The following STK24 variants were observed in gnomAD, a reference collection of about 807,000 sequenced individuals.
STK24 encodes the protein serine/threonine-protein kinase 24.
In STK24, 21 loss-of-function variants were observed where a neutral mutation model predicts 55.6. The observed-to-expected ratio is 0.38, with a 90% confidence interval of 0.27 to 0.54. The LOEUF (loss-of-function observed/expected upper bound fraction) is 0.54, where lower values mean the gene tolerates loss of function less well. Among genes scored for constraint, STK24 ranks in the 20% least tolerant of loss-of-function variants. STK24 has a pLI of 0.79. For synonymous variants in STK24, 200 were observed against 215.2 expected (o/e 0.93, Z 0.62); for missense variants, 383 against 538.4 (o/e 0.71, Z 2.86).
intron 1 of STK24, 39 bp downstream of exon 1, chr13:98,576,706 C>G (rs140705294): frequency 4.1e-6 from 6 of 1,448,732 alleles, no homozygotes; most frequent in Middle Eastern, 2.3e-4. Flanking sequence ...GCTTCCGCCC[C>G]GGTCGCGCAT....
intron 9 of STK24, among the ~76,000 whole-genome samples, chr13:98,457,695 C>T (rs1893526406): frequency 6.6e-6 from 1 of 152,130 alleles, no homozygotes; most frequent in South Asian, 2.1e-4. Context: ...GTCTTGAACT[C>T]CTGACCTCAA....
intron 1 of STK24, among the ~76,000 whole-genome samples, chr13:98,529,042 T>C (rs1435300258): frequency 6.6e-6 from 1 of 152,082 alleles, no homozygotes; most frequent in Non-Finnish European, 1.5e-5. Context: ...CCCCAGCCAG[T>C]CACCACCGAT....
chr13:98,564,177 T>C (rs913204909), intron 1 of STK24, among the ~76,000 whole-genome samples: 1 of 152,234 alleles, frequency 6.6e-6, no homozygotes, highest in Non-Finnish European at 1.5e-5. Flanking sequence ...TTCTGAAATA[T>C]ATGTATAGTA....
intron 2 of STK24, among the ~76,000 whole-genome samples, chr13:98,491,670 TACAA>T (rs1459729212): frequency 6.9e-6 from 1 of 144,206 alleles, no homozygotes; most frequent in South Asian, 2.2e-4. Flanking sequence ...CCCACAGCAT[TACAA>T]ACATTCATTA....
rs1302076186 is a variant in STK24 at position 98,516,246 on chromosome 13, A to G, written c.273+2997T>C. Among the ~76,000 whole-genome samples, 3 of 152,224 alleles carry G rather than the reference A, an allele frequency of 2.0e-5. No homozygotes were observed. The East Asian group carries it at 5.8e-4, about 29-fold the overall frequency. On this transcript the variant is annotated intron_variant, in intron 2 of 10. Transcript: ENST00000539966. The stretch of plus-strand genomic sequence containing the variant: ...GCCAAATAAGACAATTGTCCTTCAC[A>G]TGGCTTTAAAATCCGGGCCAACTTT...
intron 2 of STK24, among the ~76,000 whole-genome samples, chr13:98,512,480 C>T (rs1272715868): frequency 1.3e-5 from 2 of 151,930 alleles, no homozygotes; most frequent in Non-Finnish European, 2.9e-5. Flanking sequence ...AAAGAGGCTA[C>T]TGGGAAGAGC....
intron 1 of STK24, among the ~76,000 whole-genome samples, chr13:98,575,816 C>A (rs1323804493): frequency 5.9e-5 from 9 of 152,268 alleles, no homozygotes; most frequent in Admixed American, 5.9e-4. Context: ...ACCATTTCTG[C>A]GCCTACAAAG....
intron 2 of STK24, among the ~76,000 whole-genome samples, chr13:98,506,976 T>TG (rs1342609644): frequency 6.6e-6 from 1 of 152,084 alleles, no homozygotes; most frequent in East Asian, 1.9e-4. Flanking sequence ...ACTGGACACA[T>TG]GCAAAGGGCG....
intron 1 of STK24, among the ~76,000 whole-genome samples, chr13:98,534,651 A>C (rs958906702): frequency 1.3e-5 from 2 of 152,196 alleles, no homozygotes; most frequent in Non-Finnish European, 2.9e-5. Flanking sequence ...TTGCAGACCC[A>C]GTGTTCTGAT....
intron 3 of STK24, among the ~76,000 whole-genome samples, chr13:98,479,003 C>T (rs149044705): frequency 2.0e-5 from 3 of 152,332 alleles, no homozygotes; most frequent in Non-Finnish European, 2.9e-5. Flanking sequence ...CTGTGTCCAA[C>T]GGCAATAATC....
At chr13:98,561,036 T>C (rs1897403678) in intron 1 of STK24, among the ~76,000 whole-genome samples, 1 of 152,184 alleles carries the variant, frequency 6.6e-6, no homozygotes, top group African/African-American at 2.4e-5. Flanking sequence ...CTTGAGTGAA[T>C]GCTCACACTC....
rs755510124 is a variant in STK24, at chr13:98,448,266, C to T, written c.*4907G>A. On this transcript the variant is annotated 3_prime_UTR_variant, in exon 11 of 11. Coordinates refer to ENST00000539966, the MANE Select transcript of STK24 (RefSeq NM_001032296.4). Reference sequence around the variant, plus strand: ...TGGAAGTGATCCGCAGTGCCACCAGCTCTGCCTCGCGACCCCACGTGTTGA... The same window carrying T: ...TGGAAGTGATCCGCAGTGCCACCAGTTCTGCCTCGCGACCCCACGTGTTGA... 2.5e-6 allele frequency: 4 copies of T among 1,614,130 alleles called. No homozygotes were observed. Among genetic ancestry groups the T allele is most frequent in the Non-Finnish European group, 3.4e-6 (4 of 1,179,954 alleles).
chr13:98,518,461 A>G (rs1896145962), intron 2 of STK24, among the ~76,000 whole-genome samples: 1 of 152,288 alleles, frequency 6.6e-6, no homozygotes, highest in African/African-American at 2.4e-5. Context: ...ATTATTTCAG[A>G]GCGTTTTTTT....
chr13:98,569,300 G>GA (rs1474764353), intron 1 of STK24, among the ~76,000 whole-genome samples: 3 of 147,422 alleles, frequency 2.0e-5, no homozygotes, highest in South Asian at 2.1e-4. Context: ...TGAGGGAGAA[G>GA]AAAAAAAATT....
intron 1 of STK24, among the ~76,000 whole-genome samples, chr13:98,527,306 C>T (rs1896458663): frequency 6.6e-6 from 1 of 151,994 alleles, no homozygotes; most frequent in Non-Finnish European, 1.5e-5. Context: ...CTCAGCTATA[C>T]CAAAAAAAAG....
chr13:98,461,733 G>A, intron 8 of STK24, 41 bp downstream of exon 8: 1 of 1,605,930 alleles, frequency 6.2e-7, no homozygotes, highest in South Asian at 1.1e-5. Flanking sequence ...AAACACTGCA[G>A]ACTGAGGTCA....
rs752502695 is a variant in STK24, at chr13:98,482,334, AAAAAG to A, written c.274-18_274-14del. ...ATAATTTTGTATCCTATAAAACAAA[AAAAAG>A]AAGAGAATCATTTTCAAAATGAATC... On this transcript the variant is annotated splice_polypyrimidine_tract_variant and intron_variant, in intron 2 of 10. Transcript: ENST00000539966. The A allele has an allele frequency of 1.0e-5, 15 of 1,495,680 alleles. No homozygotes were observed. Among genetic ancestry groups the A allele is most frequent in the African/African-American group, 7.1e-5 (5 of 70,484 alleles). 92.7% of individuals were successfully genotyped at this position (1,495,680 alleles called of 1,614,324 possible).
chr13:98,528,645 C>T (rs540724469), intron 1 of STK24, among the ~76,000 whole-genome samples: 3 of 152,240 alleles, frequency 2.0e-5, no homozygotes, highest in African/African-American at 7.2e-5. Context: ...TATTTTTAAA[C>T]CTGAATAGCT....
chr13:98,512,558 A>T (rs1383677834), intron 2 of STK24, among the ~76,000 whole-genome samples: 1 of 144,920 alleles, frequency 6.9e-6, no homozygotes, highest in African/African-American at 2.5e-5. Context: ...AACCCTAAAC[A>T]CACACAAAGT....
Sources: gnomAD v4.1 joint callset for allele counts (sites outside exome capture counted in the v4.1 genomes callset) on GRCh38, gnomAD v4.1.1 for gene constraint, MANE v1.5 for transcripts, NCBI Gene and HGNC (gene_info 2026-07-23, HGNC 2026-07-21) for gene names.